The following DPY19L4 variants were observed in gnomAD, a reference collection of about 807,000 sequenced individuals.
DPY19L4 encodes the protein dpy-19 like 4.
A neutral mutation model predicts 102.8 loss-of-function variants in DPY19L4; 97 were observed. The observed-to-expected ratio is 0.94, with a 90% CI of 0.80 to 1.12. DPY19L4 has a LOEUF of 1.12. DPY19L4 is among the 50% of genes most tolerant of loss of function. The pLI is 0.00. For missense variants in DPY19L4, 815 were observed against 850.4 expected, an observed-to-expected ratio of 0.96 and a Z score of 0.52; for synonymous variants, 252 against 283.1, an observed-to-expected ratio of 0.89 and a Z score of 1.10.
chr8:94,759,558 G>A (rs1366047946), intron 7 of DPY19L4, among the ~76,000 whole-genome samples: 1 of 129,652 alleles, frequency 7.7e-6, no homozygotes, highest in Non-Finnish European at 1.6e-5. Flanking sequence ...CCAGGCTAGA[G>A]TGCAATGGCA....
intron 17 of DPY19L4, among the ~76,000 whole-genome samples, chr8:94,785,839 G>A (rs953988418): frequency 6.6e-6 from 1 of 152,074 alleles, no homozygotes; most frequent in African/African-American, 2.4e-5. Context: ...TATTTTTTGT[G>A]GATTTAAAAC....
intron 2 of DPY19L4, among the ~76,000 whole-genome samples, chr8:94,728,449 A>T (rs1385852271): frequency 6.6e-6 from 1 of 152,198 alleles, no homozygotes; most frequent in African/African-American, 2.4e-5. Flanking sequence ...CTCTATAACC[A>T]TATCTAAAGA....
intron 15 of DPY19L4, 136 bp downstream of exon 15, chr8:94,780,551 A>AT (rs1348374947): frequency 1.7e-5 from 10 of 573,552 alleles, no homozygotes; most frequent in South Asian, 7.7e-5. Flanking sequence ...GTAATGCTTA[A>AT]TTTTTTTTGT....
At chr8:94,781,277 A>G in intron 16 of DPY19L4, 111 bp downstream of exon 16, 2 of 994,378 alleles carry the variant, frequency 2.0e-6, no homozygotes, top group South Asian at 5.1e-5. Flanking sequence ...TTTTTTCATA[A>G]AACTCAGGCG....
intron 6 of DPY19L4, among the ~76,000 whole-genome samples, chr8:94,747,218 C>T (rs973964723): frequency 2.6e-5 from 4 of 151,990 alleles, no homozygotes; most frequent in Non-Finnish European, 4.4e-5. Flanking sequence ...TACACCACCA[C>T]GCCCTGCTTT....
In DPY19L4 at chr8:94,793,791, A is replaced by C. The variant is rs1236425328; in HGVS notation, c.*3881A>C. ...ATTATTTTCTGTACATTAATGTCTA[A>C]ACATTATACTTACTTTTTCATAATA... On this transcript the variant is annotated 3_prime_UTR_variant, in exon 19 of 19. Transcript: ENST00000414645. 1 of 152,188 alleles carries C rather than the reference A, an allele frequency of 6.6e-6. No individual in the cohort carries two copies. Among genetic ancestry groups the C allele is most frequent in the Non-Finnish European group, 1.5e-5 (1 of 68,022 alleles). The allele number at this position is 152,188 out of a possible 1,614,324, so 9.4% of individuals were successfully genotyped here. A position where few individuals can be genotyped will look rare whatever the true frequency, so the allele number is the denominator to read the frequency against.
At chr8:94,752,360 G>A (rs908541166) in intron 6 of DPY19L4, among the ~76,000 whole-genome samples, 8 of 151,850 alleles carry the variant, frequency 5.3e-5, no homozygotes, top group African/African-American at 1.5e-4. Context: ...TTAGGCAGGC[G>A]GATCATGAGG....
intron 1 of DPY19L4, among the ~76,000 whole-genome samples, chr8:94,725,249 AAGAT>A (rs1228070831): frequency 6.6e-6 from 1 of 152,210 alleles, no homozygotes; most frequent in East Asian, 1.9e-4. Flanking sequence ...TTCCATGAGA[AAGAT>A]AAATTATTGT....
chr8:94,769,786 TTTAG>T lies in DPY19L4; in HGVS notation c.1335-662_1335-659del, dbSNP rs570695640. ...GTATATAATTTCTTCATTTTAAGAA[TTTAG>T]TTATTCAAATTATCATTTAACTATA... On this transcript the variant is annotated intron_variant, in intron 12 of 18. Coordinates refer to ENST00000414645, the MANE Select transcript of DPY19L4 (RefSeq NM_181787.3). Among the ~76,000 whole-genome samples the T allele has an allele frequency of 1.2e-4, 19 of 152,268 alleles. No homozygotes were observed. The South Asian group carries it at 3.9e-3, about 32-fold the overall frequency.
chr8:94,757,352 C>T (rs1196839008), intron 7 of DPY19L4, among the ~76,000 whole-genome samples: 3 of 152,148 alleles, frequency 2.0e-5, no homozygotes, highest in Non-Finnish European at 4.4e-5. Context: ...GAACACATTT[C>T]AGCTTTGTGA....
chr8:94,776,914 A>C (rs56388085), intron 13 of DPY19L4, among the ~76,000 whole-genome samples: 4,772 of 150,518 alleles, frequency 0.032, 256 homozygotes, highest in African/African-American at 0.11. Flanking sequence ...GCAGTGAGCC[A>C]AGATCACAAC....
At chr8:94,724,199 TA>T (rs1355026313) in intron 1 of DPY19L4, among the ~76,000 whole-genome samples, 1 of 152,236 alleles carries the variant, frequency 6.6e-6, no homozygotes, top group African/African-American at 2.4e-5. Flanking sequence ...TGGTCACATA[TA>T]GTATATTTGT....
At chr8:94,736,676 T>C (rs976974080) in intron 3 of DPY19L4, among the ~76,000 whole-genome samples, 2 of 152,190 alleles carry the variant, frequency 1.3e-5, no homozygotes, top group Admixed American at 1.3e-4. Context: ...TATTCTTAGT[T>C]CTATTAGCCT....
intron 3 of DPY19L4, among the ~76,000 whole-genome samples, chr8:94,735,723 G>A (rs1357877907): frequency 6.6e-6 from 1 of 152,110 alleles, no homozygotes; most frequent in African/African-American, 2.4e-5. Context: ...TTGCGTATGG[G>A]TCAGGAGCAT....
At chr8:94,761,571 C>CA (rs1216940119) in intron 7 of DPY19L4, 129 bp from the exon 8 acceptor site, 1 of 793,040 alleles carries the variant, frequency 1.3e-6, no homozygotes. Context: ...GATTTAAAAA[C>CA]AAAGTTTCAA....
intron 6 of DPY19L4, among the ~76,000 whole-genome samples, chr8:94,753,907 C>T (rs1317501345): frequency 2.6e-5 from 4 of 151,844 alleles, no homozygotes; most frequent in East Asian, 1.9e-4. Context: ...TGCTACCGGG[C>T]GTGGTAGCTC....
intron 1 of DPY19L4, among the ~76,000 whole-genome samples, chr8:94,722,708 CT>C (rs1359821530): frequency 1.3e-5 from 2 of 152,128 alleles, no homozygotes; most frequent in East Asian, 3.9e-4. Context: ...TTATTTGTCA[CT>C]CTATACTTTT....
At position 94,765,774 on chromosome 8, in the gene DPY19L4, T is replaced by G; in HGVS notation, c.1066T>G (p.Cys356Gly). Residue 356 changes from cysteine to glycine, a missense_variant, in exon 10 of 19, where the codon TGT becomes GGT. Cys to Gly is a radical substitution (Grantham distance 159). Coordinates refer to ENST00000414645, the MANE Select transcript of DPY19L4 (RefSeq NM_181787.3). ...IIKVINFYLV[C>G]TLTITLNIIM... ...AAAAGTGATTAATTTTTACTTGGTG[T>G]GTACTCTGACAATAACATTGAATAT... 6.3e-7 allele frequency: 1 copy of G among 1,596,336 alleles called. No individual in the cohort carries two copies. Among genetic ancestry groups the G allele is most frequent in the Non-Finnish European group, 8.6e-7 (1 of 1,166,614 alleles).
At chr8:94,769,083 C>T (rs1452590864) in intron 12 of DPY19L4, among the ~76,000 whole-genome samples, 2 of 121,756 alleles carry the variant, frequency 1.6e-5, no homozygotes, top group African/African-American at 3.2e-5. Flanking sequence ...TTTTTTGAGA[C>T]GGAGTCTTGC....
Sources: allele counts gnomAD v4.1 joint callset (sites outside exome capture counted in the v4.1 genomes callset), GRCh38; gene constraint gnomAD v4.1.1; transcripts MANE v1.5; gene names NCBI Gene and HGNC (gene_info 2026-07-23, HGNC 2026-07-21).